The following ROPN1L variants were observed in gnomAD, a reference collection of about 807,000 sequenced individuals.
ROPN1L encodes rhophilin associated tail protein 1 like, also known as ropporin-1-like protein.
ROPN1L carries 23 observed loss-of-function variants against 22.7 expected under a neutral mutation model. The observed-to-expected ratio is 1.01, with a 90% CI of 0.73 to 1.43. The LOEUF is 1.43. ROPN1L is among the 40% of genes most tolerant of loss of function. The pLI is 0.00. For missense variants in ROPN1L, 271 were observed against 291.5 expected, an observed-to-expected ratio of 0.93 and a Z score of 0.51; for synonymous variants, 116 against 117.8, an observed-to-expected ratio of 0.98 and a Z score of 0.10.
chr5:10,464,035 G>A (rs569274349), intron 4 of ROPN1L, among the ~76,000 whole-genome samples: 2 of 152,196 alleles, frequency 1.3e-5, no homozygotes, highest in African/African-American at 4.8e-5. Flanking sequence ...GCCAGCCTCC[G>A]CCTCCCTTCC....
chr5:10,446,397 G>A lies in ROPN1L; in HGVS notation c.132-1863G>A, dbSNP rs79425666. 1.9e-4 allele frequency among the ~76,000 whole-genome samples: 29 copies of A among 152,286 alleles called. 1 individual carries two copies. The highest frequency in any genetic ancestry group is 1.4e-3 in the Admixed American group (21 of 15,302). On this transcript the variant is annotated intron_variant, in intron 1 of 4. Transcript: ENST00000274134. ...CTCCAGGCCGGGTGCGGTGGCTCAC[G>A]CCTGTAATCCTAGCATTTTGGGAGG...
chr5:10,458,601 ACACCGTCCC>A (rs1734912228), intron 3 of ROPN1L, among the ~76,000 whole-genome samples: 1 of 51,772 alleles, frequency 1.9e-5, no homozygotes, highest in African/African-American at 8.7e-5. Context: ...CCCCTCATGT[ACACCGTCCC>A]CACCATGTAC....
chr5:10,474,664 C>T (rs531845077), downstream of ROPN1L, among the ~76,000 whole-genome samples: 1 of 152,358 alleles, frequency 6.6e-6, no homozygotes, highest in African/African-American at 2.4e-5. Context: ...GAGGACTCAG[C>T]CAAGCTGGGC....
chr5:10,469,087 G>A (rs759262085), downstream of ROPN1L, among the ~76,000 whole-genome samples: 2 of 152,084 alleles, frequency 1.3e-5, no homozygotes, highest in Non-Finnish European at 2.9e-5. Context: ...CCTGGGAGGC[G>A]GAGCTTGCAA....
rs1380445837 is a variant in ROPN1L at position 10,442,227 on chromosome 5, G to A, written c.60G>A (p.Pro20=). 1 of 1,613,704 alleles carries A rather than the reference G, an allele frequency of 6.2e-7. No homozygotes were observed. The highest frequency in any genetic ancestry group is 1.3e-5 in the African/African-American group (1 of 74,942). The part of the protein sequence containing the change: ...AQQIHIPPEL[P]DILKQFTKAA... ...AGATCCACATTCCCCCGGAGCTGCC[G>A]GACATCCTGAAGCAATTCACCAAGG... The change falls in exon 1 of 5, where the codon CCG becomes CCA. Residue 20 remains proline, a synonymous_variant. Transcript: ENST00000274134.
chr5:10,449,905 C>T (rs913066883), intron 2 of ROPN1L, 47 bp from the exon 3 acceptor site: 7 of 1,534,582 alleles, frequency 4.6e-6, no homozygotes, highest in Non-Finnish European at 6.2e-6. Flanking sequence ...CATTGTTTCC[C>T]AGGTTTTAAA....
chr5:10,462,633 C>T lies in ROPN1L; in HGVS notation c.593+1274C>T, dbSNP rs1035441996. Among the ~76,000 whole-genome samples the T allele has an allele frequency of 3.8e-4, 58 of 152,180 alleles. 1 individual carries two copies. Among genetic ancestry groups the T allele is most frequent in the African/African-American group, 1.4e-3 (58 of 41,438 alleles). On this transcript the variant is annotated intron_variant, in intron 4 of 4. Coordinates refer to ENST00000274134, the MANE Select transcript of ROPN1L (RefSeq NM_031916.5). ...TAGAGGCTGGGCACGGTGCCTCACGCCTGTAATCCCAGCACTTTGGGAGTC... is the reference window on the plus strand; with the variant it reads ...TAGAGGCTGGGCACGGTGCCTCACGTCTGTAATCCCAGCACTTTGGGAGTC...
chr5:10,482,628 G>T, the ROPN1L span, among the ~76,000 whole-genome samples: 1 of 152,186 alleles, frequency 6.6e-6, no homozygotes. Flanking sequence ...TGGCATGAGG[G>T]CAGAGAAAGG....
chr5:10,443,865 T>A (rs1290463810), intron 1 of ROPN1L, among the ~76,000 whole-genome samples: 4 of 152,202 alleles, frequency 2.6e-5, no homozygotes, highest in African/African-American at 9.7e-5. Context: ...TCCCTCTGCC[T>A]CCTTCTTCCA....
intron 2 of ROPN1L, among the ~76,000 whole-genome samples, chr5:10,448,867 C>G (rs1442960424): frequency 6.6e-6 from 1 of 152,200 alleles, no homozygotes; most frequent in Non-Finnish European, 1.5e-5. Flanking sequence ...GCCTGGGCCC[C>G]CTTCCTGCCT....
the ROPN1L span, among the ~76,000 whole-genome samples, chr5:10,480,274 G>A: frequency 6.6e-6 from 1 of 152,140 alleles, no homozygotes; most frequent in South Asian, 2.1e-4. Flanking sequence ...AATTCGAAAA[G>A]CATTTAATGG....
At chr5:10,474,193 T>C (rs538429167), downstream of ROPN1L, among the ~76,000 whole-genome samples, 4 of 151,960 alleles carry the variant, frequency 2.6e-5, no homozygotes, top group East Asian at 3.9e-4. Context: ...TTTTCTAATT[T>C]CCACAGGTTT....
At chr5:10,472,021 G>T (rs973440422) in exon 5 of ROPN1L, 1 of 152,328 alleles carries the variant, frequency 6.6e-6, no homozygotes, top group Admixed American at 6.5e-5. Context: ...GTGAAGATGC[G>T]GTGGGGGAGA....
intron 1 of ROPN1L, among the ~76,000 whole-genome samples, chr5:10,445,619 A>G (rs917634435): frequency 1.3e-5 from 2 of 152,220 alleles, no homozygotes; most frequent in Non-Finnish European, 2.9e-5. Flanking sequence ...ACCCACGGAC[A>G]TAACTGCTAT....
intron 4 of ROPN1L, chr5:10,471,723 T>C (rs2126483055): frequency 6.6e-6 from 1 of 152,206 alleles, no homozygotes; most frequent in Admixed American, 6.5e-5. Context: ...AGTACAGGGG[T>C]AGCCACCCCC....
intron 3 of ROPN1L, among the ~76,000 whole-genome samples, chr5:10,450,331 A>G (rs1741214278): frequency 6.6e-6 from 1 of 152,234 alleles, no homozygotes; most frequent in Admixed American, 6.5e-5. Context: ...AGTTAATAGT[A>G]GATGAAAGAT....
downstream of ROPN1L, among the ~76,000 whole-genome samples, chr5:10,467,746 T>C (rs1488918937): frequency 1.3e-5 from 2 of 152,208 alleles, no homozygotes; most frequent in Non-Finnish European, 2.9e-5. Context: ...TGCAGCTTCA[T>C]TTGTTTTCCT....
At chr5:10,451,841 CAG>C (rs1741259811) in intron 3 of ROPN1L, among the ~76,000 whole-genome samples, 2 of 152,180 alleles carry the variant, frequency 1.3e-5, no homozygotes, top group Admixed American at 6.5e-5. Flanking sequence ...GGGAGTGTCT[CAG>C]GGGTATTATC....
downstream of ROPN1L, among the ~76,000 whole-genome samples, chr5:10,466,325 A>G (rs182785181): frequency 5.9e-5 from 9 of 152,170 alleles, no homozygotes; most frequent in Non-Finnish European, 1.2e-4. Context: ...CACTGTGACT[A>G]TCTTGTTGGG....
Sources: gnomAD v4.1 joint callset for allele counts (sites outside exome capture counted in the v4.1 genomes callset) on GRCh38, gnomAD v4.1.1 for gene constraint, MANE v1.5 for transcripts, NCBI Gene and HGNC (gene_info 2026-07-23, HGNC 2026-07-21) for gene names.